The following LRMDA variants were observed in gnomAD, a reference collection of about 807,000 sequenced individuals.
LRMDA encodes leucine-rich melanocyte differentiation-associated protein.
In LRMDA, 18 loss-of-function variants were observed where a neutral mutation model predicts 29.8. That is an observed-to-expected ratio of 0.60 (90% confidence interval 0.42 to 0.90). LRMDA has a LOEUF of 0.90. Among genes scored for constraint, LRMDA ranks in the 40% least tolerant of loss-of-function variants. The probability of loss-of-function intolerance (pLI) is 0.00; values close to 1 mark genes in which losing one functional copy is unlikely to be tolerated. For missense variants in LRMDA, 273 were observed against 273.9 expected (o/e 1.00, Z 0.02); for synonymous variants, 125 against 109.4 (o/e 1.14, Z -0.89).
chr10:76,502,185 T>C (rs961433812), intron 6 of LRMDA, among the ~76,000 whole-genome samples: 26 of 152,046 alleles, frequency 1.7e-4, no homozygotes, highest in South Asian at 2.1e-4. Flanking sequence ...TGCCACTTTA[T>C]TTCTGTGTTT....
intron 6 of LRMDA, among the ~76,000 whole-genome samples, chr10:76,356,963 CAAAG>C (rs765904723): frequency 2.6e-5 from 4 of 151,904 alleles, no homozygotes; most frequent in Non-Finnish European, 4.4e-5. Flanking sequence ...ATGTTGGTAA[CAAAG>C]AAAGTTGGTT....
intron 5 of LRMDA, among the ~76,000 whole-genome samples, chr10:76,082,756 T>G (rs1185409874): frequency 6.6e-6 from 1 of 152,218 alleles, no homozygotes; most frequent in Non-Finnish European, 1.5e-5. Flanking sequence ...GTTACAGTAA[T>G]TCTGGAGTAC....
intron 2 of LRMDA, among the ~76,000 whole-genome samples, chr10:75,894,958 G>C (rs1302206801): frequency 6.6e-6 from 1 of 152,144 alleles, no homozygotes; most frequent in Non-Finnish European, 1.5e-5. Flanking sequence ...ATGAGAAACT[G>C]GTTAAGTAAA....
intron 2 of LRMDA, among the ~76,000 whole-genome samples, chr10:76,010,543 A>G (rs1368164796): frequency 6.6e-6 from 1 of 152,000 alleles, no homozygotes; most frequent in Non-Finnish European, 1.5e-5. Context: ...CGATCTCCTG[A>G]CCTCGTGATC....
At chr10:76,007,708 C>T (rs368553423) in intron 2 of LRMDA, among the ~76,000 whole-genome samples, 14 of 152,152 alleles carry the variant, frequency 9.2e-5, no homozygotes, top group Non-Finnish European at 1.9e-4. Flanking sequence ...TCACTTTTCA[C>T]GGCCCTTGTG....
At chr10:75,927,750 G>A (rs1231870814) in intron 2 of LRMDA, among the ~76,000 whole-genome samples, 1 of 152,304 alleles carries the variant, frequency 6.6e-6, no homozygotes, top group Admixed American at 6.5e-5. Context: ...AAGTAGATTT[G>A]GACTCAGGTC....
rs781781634 is a variant in LRMDA, at chr10:76,151,669, TTTG to T, written c.516+92897_516+92899del. 5.9e-5 allele frequency among the ~76,000 whole-genome samples: 9 copies of T among 152,266 alleles called. 1 individual carries two copies. Among genetic ancestry groups the T allele is most frequent in the African/African-American group, 1.9e-4 (8 of 41,468 alleles). On this transcript the variant is annotated intron_variant, in intron 5 of 6. Coordinates refer to ENST00000611255, the MANE Select transcript of LRMDA (RefSeq NM_001305581.2). ...ATAGGTTAACAAGAGAAAAGTATTT[TTTG>T]TTGTTGTTGTAAATTTTATTTTTGA...
chr10:75,540,314 G>C (rs1840000971), intron 2 of LRMDA, among the ~76,000 whole-genome samples: 1 of 152,208 alleles, frequency 6.6e-6, no homozygotes, highest in Non-Finnish European at 1.5e-5. Flanking sequence ...AACAAGCTTG[G>C]CATGTTTGAG....
intron 2 of LRMDA, among the ~76,000 whole-genome samples, chr10:75,586,297 C>A (rs1158967419): frequency 6.7e-6 from 1 of 148,222 alleles, no homozygotes; most frequent in East Asian, 2.0e-4. Flanking sequence ...TGCATGCCCA[C>A]TAACACTGTG....
chr10:75,967,485 A>G (rs1261214698), intron 2 of LRMDA, among the ~76,000 whole-genome samples: 1 of 152,236 alleles, frequency 6.6e-6, no homozygotes, highest in Non-Finnish European at 1.5e-5. Flanking sequence ...TATAATCGCA[A>G]AGAACTTACT....
intron 6 of LRMDA, among the ~76,000 whole-genome samples, chr10:76,417,236 G>A (rs2132515790): frequency 6.6e-6 from 1 of 152,130 alleles, no homozygotes; most frequent in Non-Finnish European, 1.5e-5. Flanking sequence ...TCAGCACAAG[G>A]CAATATGCTG....
At chr10:75,932,996 C>A (rs866074912) in intron 2 of LRMDA, among the ~76,000 whole-genome samples, 7 of 152,196 alleles carry the variant, frequency 4.6e-5, no homozygotes, top group African/African-American at 1.4e-4. Flanking sequence ...TCTTCAGAAT[C>A]ATTCAGGCGT....
chr10:76,409,922 A>T (rs569122874), intron 6 of LRMDA, among the ~76,000 whole-genome samples: 17 of 152,362 alleles, frequency 1.1e-4, no homozygotes, highest in Non-Finnish European at 2.1e-4. Flanking sequence ...TATAGTGAAC[A>T]TGCAGAGTTA....
intron 2 of LRMDA, among the ~76,000 whole-genome samples, chr10:75,467,683 G>A (rs1353096150): frequency 1.3e-5 from 2 of 152,014 alleles, no homozygotes; most frequent in Non-Finnish European, 2.9e-5. Flanking sequence ...GCAAAGTTGG[G>A]CAGGCACAGT....
chr10:75,515,650 G>A (rs1223695538), intron 2 of LRMDA, among the ~76,000 whole-genome samples: 1 of 152,060 alleles, frequency 6.6e-6, no homozygotes, highest in East Asian at 1.9e-4. Flanking sequence ...AAAGAGCTGG[G>A]AATATAGGTA....
At position 75,983,636 on chromosome 10, in the gene LRMDA, C is replaced by T. The variant is rs1025243454; in HGVS notation, c.132-52372C>T. ...GTGTATATGTGTGCATATACATACG[C>T]GTACATGTACGTCTCCAATGCTTTT... is the stretch of plus-strand genomic sequence containing the variant. On this transcript the variant is annotated intron_variant, in intron 2 of 6. Coordinates refer to ENST00000611255, the MANE Select transcript of LRMDA (RefSeq NM_001305581.2). Among the ~76,000 whole-genome samples, 8 of 152,172 alleles carry T rather than the reference C, an allele frequency of 5.3e-5. No homozygotes were observed. In the South Asian group the frequency reaches 6.2e-4, roughly 12 times the overall value.
At chr10:76,431,669 G>A (rs773780969) in intron 6 of LRMDA, among the ~76,000 whole-genome samples, 7 of 152,080 alleles carry the variant, frequency 4.6e-5, no homozygotes, top group African/African-American at 1.2e-4. Context: ...TGCTGGATTC[G>A]TTGTCATTGG....
At chr10:75,631,650 T>A in intron 2 of LRMDA, among the ~76,000 whole-genome samples, 1 of 152,152 alleles carries the variant, frequency 6.6e-6, no homozygotes, top group East Asian at 1.9e-4. Flanking sequence ...GATTTCTCTC[T>A]TGGTGAGTCG....
intron 6 of LRMDA, among the ~76,000 whole-genome samples, chr10:76,551,603 T>C (rs1843495356): frequency 6.6e-6 from 1 of 152,240 alleles, no homozygotes; most frequent in Non-Finnish European, 1.5e-5. Context: ...CAAGTAATGA[T>C]GCATTTTTGA....
Sources: allele counts gnomAD v4.1 joint callset (sites outside exome capture counted in the v4.1 genomes callset), GRCh38; gene constraint gnomAD v4.1.1; transcripts MANE v1.5; gene names NCBI Gene and HGNC (gene_info 2026-07-23, HGNC 2026-07-21).